The following HNF4G variants were observed in gnomAD, a reference collection of about 807,000 sequenced individuals.
HNF4G encodes hepatocyte nuclear factor 4-gamma.
HNF4G carries 21 observed loss-of-function variants against 50.9 expected under a neutral mutation model. The observed-to-expected ratio is 0.41, with a 90% CI of 0.29 to 0.59. The LOEUF (loss-of-function observed/expected upper bound fraction) is 0.59, where lower values mean the gene tolerates loss of function less well. Among genes scored for constraint, HNF4G ranks in the 20% least tolerant of loss-of-function variants. The probability of loss-of-function intolerance (pLI) is 0.26; values close to 1 mark genes in which losing one functional copy is unlikely to be tolerated. For missense variants in HNF4G, 527 were observed against 559.4 expected, an observed-to-expected ratio of 0.94 and a Z score of 0.58; for synonymous variants, 198 against 185.6, an observed-to-expected ratio of 1.07 and a Z score of -0.54.
At chr8:75,420,322 A>G (rs1247386561) in intron 1 of HNF4G, among the ~76,000 whole-genome samples, 1 of 152,258 alleles carries the variant, frequency 6.6e-6, no homozygotes, top group Non-Finnish European at 1.5e-5. Flanking sequence ...CAAGGAGGAC[A>G]TTCTTAAAAC....
At chr8:75,557,758 C>T (rs1807175678) in intron 6 of HNF4G, among the ~76,000 whole-genome samples, 1 of 152,114 alleles carries the variant, frequency 6.6e-6, no homozygotes, top group Non-Finnish European at 1.5e-5. Context: ...ATTGTCTTTG[C>T]CTGCAGTGAA....
chr8:75,484,938 T>C (rs1295521306), intron 1 of HNF4G, among the ~76,000 whole-genome samples: 1 of 152,244 alleles, frequency 6.6e-6, no homozygotes, highest in Non-Finnish European at 1.5e-5. Flanking sequence ...GCCAGAGTTA[T>C]ACAGTAGGCG....
chr8:75,544,991 C>T lies in HNF4G; in HGVS notation c.287+1012C>T, dbSNP rs995175559. On this transcript the variant is annotated intron_variant, in intron 2 of 9. Transcript: ENST00000396423. ...TCTGGTAATTCTTTAGTAATTTTTC[C>T]AAGATAGTTTGAAGCAGGTTAAGAG... Among the ~76,000 whole-genome samples the T allele has an allele frequency of 2.6e-4, 39 of 151,736 alleles. 1 individual carries two copies.
intron 1 of HNF4G, among the ~76,000 whole-genome samples, chr8:75,423,215 C>T (rs991641439): frequency 1.1e-4 from 16 of 151,954 alleles, no homozygotes; most frequent in African/African-American, 3.9e-4. Flanking sequence ...CATGCCTTCT[C>T]TAAGTCATTC....
rs752958239 is a variant in HNF4G at position 75,551,481 on chromosome 8, T to C, written c.476T>C (p.Val159Ala). The change falls in exon 4 of 10, where the codon GTT becomes GCT. Residue 159 changes from valine (V) to alanine (A), a missense_variant. By Grantham distance (64) the Val-to-Ala change is moderately conservative (BLOSUM62 0). This residue lies in a region of HNF4G where 128 missense variants were observed against 135.3 expected (regional missense o/e 0.95). Coordinates refer to ENST00000396423, the MANE Select transcript of HNF4G (RefSeq NM_004133.5). Reference protein sequence around the residue: ...PSINTLAQAEVRSRQISVSSP... With the variant: ...PSINTLAQAEARSRQISVSSP... ...ATTAACACACTGGCACAAGCTGAAGTTCGGTCTCGCCAGGTACCTGTGGCA... is the reference window on the plus strand; with the variant it reads ...ATTAACACACTGGCACAAGCTGAAGCTCGGTCTCGCCAGGTACCTGTGGCA... 1.9e-6 allele frequency: 3 copies of C among 1,607,578 alleles called. No individual in the cohort carries two copies. The highest frequency in any genetic ancestry group is 2.6e-6 in the Non-Finnish European group (3 of 1,174,328).
At chr8:75,430,986 CAGA>C (rs1300894848) in intron 1 of HNF4G, among the ~76,000 whole-genome samples, 1 of 151,730 alleles carries the variant, frequency 6.6e-6, no homozygotes, top group East Asian at 1.9e-4. Context: ...TGGTAAAAGA[CAGA>C]AGACTATAAA....
At chr8:75,486,275 TTA>T (rs1435296370) in intron 1 of HNF4G, among the ~76,000 whole-genome samples, 9 of 152,226 alleles carry the variant, frequency 5.9e-5, no homozygotes. Flanking sequence ...TAATTTTCCC[TTA>T]AGTTTTCTGC....
chr8:75,543,226 A>T (rs1168815825), intron 1 of HNF4G, among the ~76,000 whole-genome samples: 2 of 152,102 alleles, frequency 1.3e-5, no homozygotes, highest in Non-Finnish European at 2.9e-5. Flanking sequence ...GTAAATAAAT[A>T]AATAAAAAGT....
At chr8:75,542,650 G>A (rs1446001146) in intron 1 of HNF4G, among the ~76,000 whole-genome samples, 2 of 152,182 alleles carry the variant, frequency 1.3e-5, no homozygotes, top group African/African-American at 4.8e-5. Context: ...TTGACATGCA[G>A]GGTTTACAGG....
intron 1 of HNF4G, among the ~76,000 whole-genome samples, chr8:75,421,176 G>A (rs746443871): frequency 1.3e-5 from 2 of 152,146 alleles, no homozygotes; most frequent in Non-Finnish European, 2.9e-5. Flanking sequence ...AATTATTAAT[G>A]AGATCTTTCC....
At chr8:75,472,724 C>T (rs548194517) in intron 1 of HNF4G, among the ~76,000 whole-genome samples, 8 of 152,166 alleles carry the variant, frequency 5.3e-5, no homozygotes, top group South Asian at 4.2e-4. Context: ...TAAGAAGAGA[C>T]GGGCATGGAT....
At chr8:75,460,430 A>T (rs1811815863) in intron 1 of HNF4G, among the ~76,000 whole-genome samples, 1 of 152,214 alleles carries the variant, frequency 6.6e-6, no homozygotes, top group Non-Finnish European at 1.5e-5. Flanking sequence ...TTAAAAGACA[A>T]TAAGGGTAAA....
At chr8:75,459,576 T>C (rs1428298794) in intron 1 of HNF4G, among the ~76,000 whole-genome samples, 1 of 152,198 alleles carries the variant, frequency 6.6e-6, no homozygotes, top group Non-Finnish European at 1.5e-5. Context: ...GTAGTGTTTA[T>C]AAATGACCTG....
chr8:75,463,708 A>T (rs1289772447), intron 1 of HNF4G, among the ~76,000 whole-genome samples: 1 of 151,410 alleles, frequency 6.6e-6, no homozygotes, highest in African/African-American at 2.4e-5. Flanking sequence ...GTCAGGTGTC[A>T]AGTTTGTTTA....
intron 1 of HNF4G, among the ~76,000 whole-genome samples, chr8:75,440,507 T>C (rs1811253396): frequency 6.6e-6 from 1 of 152,224 alleles, no homozygotes; most frequent in Non-Finnish European, 1.5e-5. Flanking sequence ...GTTTCACAGA[T>C]TGCCAGCAAT....
intron 2 of HNF4G, among the ~76,000 whole-genome samples, chr8:75,503,331 A>G (rs1812980702): frequency 6.7e-6 from 1 of 148,408 alleles, no homozygotes; most frequent in Admixed American, 6.7e-5. Context: ...TAAGTATTCA[A>G]TGAGTTAAAA....
intron 4 of HNF4G, among the ~76,000 whole-genome samples, chr8:75,551,996 A>G (rs567307195): frequency 3.9e-5 from 6 of 152,350 alleles, no homozygotes; most frequent in African/African-American, 7.2e-5. Context: ...AATTTCTCAA[A>G]TAACAGTTCT....
chr8:75,509,968 T>C (rs1376717596), intron 2 of HNF4G, among the ~76,000 whole-genome samples: 1 of 152,132 alleles, frequency 6.6e-6, no homozygotes, highest in Non-Finnish European at 1.5e-5. Context: ...AAAATTACTA[T>C]AAAAGAGCCT....
chr8:75,421,837 C>T (rs750415383), intron 1 of HNF4G, among the ~76,000 whole-genome samples: 2 of 152,138 alleles, frequency 1.3e-5, no homozygotes, highest in Non-Finnish European at 2.9e-5. Context: ...TCCACATGCA[C>T]GGTGCACGTG....
Sources: gnomAD v4.1 joint callset for allele counts (sites outside exome capture counted in the v4.1 genomes callset) on GRCh38, gnomAD v4.1.1 for gene constraint, gnomAD v4.1.1 regional missense constraint, MANE v1.5 for transcripts, NCBI Gene and HGNC (gene_info 2026-07-23, HGNC 2026-07-21) for gene names.